Variants in DOCK5 observed in about 807,000 individuals in gnomAD.
DOCK5 encodes the protein dedicator of cytokinesis protein 5.
DOCK5 carries 142 observed loss-of-function variants against 251.8 expected under a neutral mutation model. The ratio of observed to expected loss-of-function variants is 0.56; its 90% confidence interval spans 0.49 to 0.65. DOCK5 has a LOEUF of 0.65. Among genes scored for constraint, DOCK5 ranks in the 30% least tolerant of loss-of-function variants. The pLI, the probability that DOCK5 is intolerant of heterozygous loss-of-function variation, is 0.00. For synonymous variants in DOCK5, 842 were observed against 835.5 expected (o/e 1.01, Z -0.13); for missense variants, 2,111 against 2,312.3 (o/e 0.91, Z 1.79).
At chr8:25,350,602 C>T (rs1336838069) in intron 26 of DOCK5, among the ~76,000 whole-genome samples, 4 of 152,138 alleles carry the variant, frequency 2.6e-5, no homozygotes, top group East Asian at 1.9e-4. Context: ...CCACAGACTG[C>T]GTGGCTTAAA....
At chr8:25,255,983 G>C (rs1228256987) in intron 2 of DOCK5, among the ~76,000 whole-genome samples, 1 of 152,168 alleles carries the variant, frequency 6.6e-6, no homozygotes, top group African/African-American at 2.4e-5. Flanking sequence ...GAAACAGACT[G>C]CCTAAAAAAC....
intron 1 of DOCK5, among the ~76,000 whole-genome samples, chr8:25,216,068 CTA>C (rs1802235619): frequency 6.6e-6 from 1 of 150,974 alleles, no homozygotes; most frequent in Non-Finnish European, 1.5e-5. Context: ...TACAATATGT[CTA>C]TACGTGTATA....
chr8:25,411,221 G>A lies in DOCK5; in HGVS notation c.5536G>A (p.Glu1846Lys), dbSNP rs779369988. The change falls in exon 52 of 52, where the codon GAA becomes AAA. Residue 1846 changes from glutamate to lysine, a missense_variant. Glu to Lys is a moderately conservative substitution (Grantham distance 56). Coordinates refer to ENST00000276440, the MANE Select transcript of DOCK5 (RefSeq NM_024940.8). The part of the protein sequence containing the change: ...ELAPPLPVRR[E>K]AKAPPPPPPK... ...CGCTCCCCCACTGCCTGTCCGAAGA[G>A]AAGCCAAAGCACCACCCCCTCCACC... 1 of 1,591,964 alleles carries A rather than the reference G, an allele frequency of 6.3e-7. No individual in the cohort carries two copies. The highest frequency in any genetic ancestry group is 8.5e-7 in the Non-Finnish European group (1 of 1,170,960).
rs780384750 is a variant in DOCK5 at position 25,325,398 on chromosome 8, A to C, written c.1754A>C (p.Tyr585Ser). Residue 585 changes from tyrosine (Y) to serine (S), a missense_variant, in exon 18 of 52, where the codon TAC (tyrosine) becomes TCC (serine). Physicochemically the swap from Tyr to Ser is moderately radical, Grantham distance 144. Transcript: ENST00000276440. ...DNKKMEDAKF[Y>S]LTLPGTKMEM... is the part of the protein sequence containing the mutation. ...AAAAAAATGGAAGATGCTAAATTCT[A>C]CCTGACCCTGCCTGGAACCAAGATG... The C allele has an allele frequency of 6.2e-7, 1 of 1,613,964 alleles. No individual in the cohort carries two copies. Among genetic ancestry groups the C allele is most frequent in the African/African-American group, 1.3e-5 (1 of 75,038 alleles).
At chr8:25,326,769 G>A (rs999694946) in intron 18 of DOCK5, among the ~76,000 whole-genome samples, 1 of 152,162 alleles carries the variant, frequency 6.6e-6, no homozygotes, top group African/African-American at 2.4e-5. Context: ...GAAGATTTAT[G>A]TACAAGGATG....
chr8:25,328,367 G>A (rs4074702), intron 18 of DOCK5, among the ~76,000 whole-genome samples: 7,453 of 152,094 alleles, frequency 0.049, 259 homozygotes, highest in South Asian at 0.12. Context: ...GTACAGAGAG[G>A]GAAAGACGGA....
chr8:25,277,459 G>T, intron 4 of DOCK5: 1 of 152,308 alleles, frequency 6.6e-6, no homozygotes, highest in South Asian at 2.0e-4. Context: ...GGCCCACCAA[G>T]AGCACAGAGG....
At chr8:25,210,740 G>C (rs1802112851) in intron 1 of DOCK5, among the ~76,000 whole-genome samples, 2 of 70,666 alleles carry the variant, frequency 2.8e-5, no homozygotes, top group African/African-American at 6.4e-5. Flanking sequence ...CTCCAGCCTA[G>C]GCGACAGATC....
At chr8:25,267,078 C>A (rs1272466878) in intron 2 of DOCK5, among the ~76,000 whole-genome samples, 1 of 152,092 alleles carries the variant, frequency 6.6e-6, no homozygotes, top group East Asian at 1.9e-4. Context: ...AGGGTGAATT[C>A]GAAGCCATTT....
chr8:25,368,808 T>C (rs927242892), intron 33 of DOCK5, 83 bp downstream of exon 33: 5 of 1,344,902 alleles, frequency 3.7e-6, no homozygotes, highest in Non-Finnish European at 5.0e-6. Flanking sequence ...AGAGAAGCAG[T>C]AACCTTAATA....
intron 23 of DOCK5, 61 bp from the exon 24 acceptor site, chr8:25,341,678 C>A (rs1805959113): frequency 7.4e-7 from 1 of 1,352,426 alleles, no homozygotes; most frequent in Non-Finnish European, 1.0e-6. Flanking sequence ...TGGGATCAAG[C>A]AGTAAATACT....
intron 1 of DOCK5, among the ~76,000 whole-genome samples, chr8:25,194,896 G>A (rs796194201): frequency 2.7e-5 from 4 of 149,636 alleles, no homozygotes; most frequent in African/African-American, 7.3e-5. Context: ...CTGCATTAGC[G>A]TCTGCAGGGC....
At chr8:25,218,462 G>T (rs1286015404) in intron 1 of DOCK5, among the ~76,000 whole-genome samples, 2 of 152,230 alleles carry the variant, frequency 1.3e-5, no homozygotes, top group African/African-American at 4.8e-5. Context: ...GTGCCTCTGT[G>T]TGGTGTCTGG....
intron 2 of DOCK5, among the ~76,000 whole-genome samples, chr8:25,265,711 A>G (rs572906219): frequency 3.3e-5 from 5 of 151,996 alleles, no homozygotes; most frequent in South Asian, 4.1e-4. Context: ...GATTTGTAGA[A>G]TGACTGCATG....
At chr8:25,338,947 CA>C (rs1355333875) in intron 22 of DOCK5, among the ~76,000 whole-genome samples, 1 of 152,120 alleles carries the variant, frequency 6.6e-6, no homozygotes, top group African/African-American at 2.4e-5. Flanking sequence ...GTGTGGAAAA[CA>C]AAAGGTTAGG....
intron 1 of DOCK5, among the ~76,000 whole-genome samples, chr8:25,201,434 G>A (rs1801876457): frequency 6.6e-6 from 1 of 152,250 alleles, no homozygotes; most frequent in Non-Finnish European, 1.5e-5. Context: ...AACATTACAT[G>A]CCTTTTAAAA....
intron 1 of DOCK5, among the ~76,000 whole-genome samples, chr8:25,195,422 C>T (rs1313229824): frequency 2.6e-5 from 4 of 152,140 alleles, no homozygotes; most frequent in Non-Finnish European, 5.9e-5. Flanking sequence ...AAGAACCTGA[C>T]ATTGCCACCT....
rs184355314 is a variant in DOCK5 at position 25,230,013 on chromosome 8, A to G, written c.44-13661A>G. 5.3e-5 allele frequency among the ~76,000 whole-genome samples: 8 copies of G among 152,322 alleles called. No individual in the cohort carries two copies. In the East Asian group the frequency reaches 7.7e-4, roughly 15 times the overall value. ...AGTTTTCTCGTAAGTGAAAACTGCA[A>G]TTGGATCTAGAATTACCTTCAATAA... is the stretch of plus-strand genomic sequence containing the variant. On this transcript the variant is annotated intron_variant, in intron 1 of 51. Transcript: ENST00000276440.
intron 2 of DOCK5, among the ~76,000 whole-genome samples, chr8:25,260,183 G>A (rs1354112438): frequency 1.3e-5 from 2 of 152,178 alleles, no homozygotes; most frequent in Non-Finnish European, 2.9e-5. Context: ...ACCGGGGATG[G>A]GAGGACAGGA....
Sources: gnomAD v4.1 joint callset for allele counts (sites outside exome capture counted in the v4.1 genomes callset) on GRCh38, gnomAD v4.1.1 for gene constraint, MANE v1.5 for transcripts, NCBI Gene and HGNC (gene_info 2026-07-23, HGNC 2026-07-21) for gene names.